Variants in SCARA5 observed in about 807,000 individuals in gnomAD.
The protein encoded by SCARA5 is scavenger receptor class A, member 5 (putative).
Under a neutral mutation model 46.3 loss-of-function variants are expected in SCARA5, and 45 were observed. The observed-to-expected ratio is 0.97, with a 90% CI of 0.76 to 1.24. SCARA5 has a LOEUF of 1.24. SCARA5 is among the 50% of genes most tolerant of loss of function. The pLI, the probability that SCARA5 is intolerant of heterozygous loss-of-function variation, is 0.00. For missense variants in SCARA5, 680 were observed against 689.0 expected, an observed-to-expected ratio of 0.99 and a Z score of 0.15; for synonymous variants, 333 against 306.5, an observed-to-expected ratio of 1.09 and a Z score of -0.90.
At chr8:27,903,903 C>G (rs567683745) in intron 7 of SCARA5, among the ~76,000 whole-genome samples, 2 of 152,158 alleles carry the variant, frequency 1.3e-5, no homozygotes, top group Non-Finnish European at 2.9e-5. Context: ...TGCTTGCGCC[C>G]TCACGTGGGA....
At chr8:27,904,254 G>A (rs1807214693) in intron 7 of SCARA5, 2 of 158,652 alleles carry the variant, frequency 1.3e-5, no homozygotes, top group Admixed American at 6.3e-5. Flanking sequence ...CACCCAGGGA[G>A]GGGAGGCCTT....
chr8:27,900,253 G>A (rs544858917), intron 7 of SCARA5, among the ~76,000 whole-genome samples: 7 of 152,230 alleles, frequency 4.6e-5, no homozygotes, highest in South Asian at 4.2e-4. Context: ...AGATTCTCCC[G>A]GGCACCTGGT....
chr8:27,987,474 G>A (rs1476201538), intron 2 of SCARA5, 30 bp downstream of exon 2: 4 of 1,516,924 alleles, frequency 2.6e-6, no homozygotes, highest in East Asian at 2.2e-5. Context: ...GCCAGATCTT[G>A]TGCCCCAAGT....
At chr8:27,934,950 C>T (rs1807831365) in intron 3 of SCARA5, among the ~76,000 whole-genome samples, 1 of 152,214 alleles carries the variant, frequency 6.6e-6, no homozygotes, top group Non-Finnish European at 1.5e-5. Flanking sequence ...AAGGAGGTGA[C>T]CCTTCCATCA....
At chr8:27,969,290 G>A (rs754079474) in intron 2 of SCARA5, among the ~76,000 whole-genome samples, 5 of 152,266 alleles carry the variant, frequency 3.3e-5, no homozygotes, top group South Asian at 2.1e-4. Flanking sequence ...AGGGCAAAAC[G>A]TATGCCTACT....
chr8:27,884,414 G>A (rs1806860990), intron 7 of SCARA5, among the ~76,000 whole-genome samples: 1 of 152,248 alleles, frequency 6.6e-6, no homozygotes, highest in Non-Finnish European at 1.5e-5. Context: ...CGGCCGCTGC[G>A]CGGGGCCTTG....
At chr8:27,957,808 C>G (rs1808228928) in intron 3 of SCARA5, among the ~76,000 whole-genome samples, 1 of 152,202 alleles carries the variant, frequency 6.6e-6, no homozygotes, top group African/African-American at 2.4e-5. Flanking sequence ...TCTCTGAAAA[C>G]TATAACTTGC....
At chr8:27,982,191 G>T (rs115587149) in intron 2 of SCARA5, among the ~76,000 whole-genome samples, 1 of 152,048 alleles carries the variant, frequency 6.6e-6, no homozygotes, top group South Asian at 2.1e-4. Flanking sequence ...GGGCCGTGGG[G>T]GCGAATGGGA....
chr8:27,940,877 A>C (rs145287176), intron 3 of SCARA5, among the ~76,000 whole-genome samples: 162 of 152,246 alleles, frequency 1.1e-3, no homozygotes, highest in African/African-American at 3.7e-3. Context: ...AAACACTAAC[A>C]CTGAGAGCAA....
chr8:27,920,664 T>C (rs200500171), intron 4 of SCARA5, among the ~76,000 whole-genome samples: 1 of 146,234 alleles, frequency 6.8e-6, no homozygotes, highest in Non-Finnish European at 1.5e-5. Flanking sequence ...CAAAAAAATG[T>C]AGTGGGGCAT....
At chr8:27,947,202 G>C (rs887337623) in intron 3 of SCARA5, among the ~76,000 whole-genome samples, 2 of 152,166 alleles carry the variant, frequency 1.3e-5, no homozygotes, top group Non-Finnish European at 2.9e-5. Context: ...AGTAGAGACA[G>C]GGTTTCGCCG....
At chr8:27,924,852 TAGAA>T (rs1180833976) in intron 3 of SCARA5, among the ~76,000 whole-genome samples, 1 of 151,856 alleles carries the variant, frequency 6.6e-6, no homozygotes, top group Non-Finnish European at 1.5e-5. Flanking sequence ...AACAGACAAA[TAGAA>T]AGCCAAATCA....
At chr8:27,976,254 A>G (rs1368385973) in intron 2 of SCARA5, among the ~76,000 whole-genome samples, 1 of 152,088 alleles carries the variant, frequency 6.6e-6, no homozygotes, top group African/African-American at 2.4e-5. Context: ...GGGGCTGGTG[A>G]AAGATGCCAT....
intron 7 of SCARA5, among the ~76,000 whole-genome samples, chr8:27,899,612 T>C (rs1324722499): frequency 6.6e-6 from 1 of 152,244 alleles, no homozygotes; most frequent in Non-Finnish European, 1.5e-5. Context: ...TACAATCCTA[T>C]GGATGGCTTC....
At chr8:27,939,914 C>T (rs1395643339) in intron 3 of SCARA5, among the ~76,000 whole-genome samples, 1 of 152,220 alleles carries the variant, frequency 6.6e-6, no homozygotes, top group Non-Finnish European at 1.5e-5. Flanking sequence ...CACAATCTGT[C>T]CCTCTTGCCC....
At position 27,872,001 on chromosome 8, in the gene SCARA5, A is replaced by T; in HGVS notation, c.1421T>A (p.Phe474Tyr). 6.2e-7 allele frequency: 1 copy of T among 1,614,200 alleles called. No individual in the cohort carries two copies. The highest frequency in any genetic ancestry group is 1.1e-5 in the South Asian group (1 of 91,082). Residue 474 changes from phenylalanine (F) to tyrosine (Y), a missense_variant, in exon 9 of 9, where the codon TTC becomes TAC. By Grantham distance (22) the Phe-to-Tyr change is conservative (BLOSUM62 3). This residue lies in a region of SCARA5 where 219 missense variants were observed against 269.5 expected (regional missense o/e 0.81). Transcript: ENST00000354914. The part of the protein sequence containing the change: ...GTEETIFRCS[F>Y]SKWGVTNCGH... ...ACAGTTTGTCACCCCCCATTTGGAG[A>T]AGCTGCAGCGGAAGATGGTTTCCTC...
At chr8:27,915,953 T>C (rs1427451541) in intron 4 of SCARA5, among the ~76,000 whole-genome samples, 1 of 151,718 alleles carries the variant, frequency 6.6e-6, no homozygotes, top group African/African-American at 2.4e-5. Context: ...ACCTTTCCCC[T>C]CCTGGGCTGC....
At chr8:27,910,514 G>C (rs989647128) in intron 4 of SCARA5, among the ~76,000 whole-genome samples, 7 of 152,192 alleles carry the variant, frequency 4.6e-5, no homozygotes, top group Non-Finnish European at 1.0e-4. Flanking sequence ...CCCCTCCTGA[G>C]GGCACCAGAG....
At chr8:27,980,082 G>C (rs942666834) in intron 2 of SCARA5, among the ~76,000 whole-genome samples, 4 of 152,164 alleles carry the variant, frequency 2.6e-5, no homozygotes, top group African/African-American at 9.7e-5. Context: ...AGGAGAGAGG[G>C]GAGGACAGAC....
Sources: allele counts gnomAD v4.1 joint callset (sites outside exome capture counted in the v4.1 genomes callset), GRCh38; gene constraint gnomAD v4.1.1; regional missense constraint gnomAD v4.1.1; transcripts MANE v1.5; gene names NCBI Gene and HGNC (gene_info 2026-07-23, HGNC 2026-07-21).